Variants in MRTFB observed in about 807,000 individuals in gnomAD.
MRTFB encodes myocardin related transcription factor B, also known as myocardin-related transcription factor B.
Under a neutral mutation model 104.2 loss-of-function variants are expected in MRTFB, and 29 were observed. The ratio of observed to expected loss-of-function variants is 0.28; its 90% CI spans 0.21 to 0.38. The LOEUF is 0.38. MRTFB is among the 10% of genes least tolerant of loss of function. The pLI, the probability that MRTFB is intolerant of heterozygous loss-of-function variation, is 1.00. For missense variants in MRTFB, 1,270 were observed against 1,341.6 expected, an observed-to-expected ratio of 0.95 and a Z score of 0.83; for synonymous variants, 535 against 519.5, an observed-to-expected ratio of 1.03 and a Z score of -0.41.
the MRTFB span, among the ~76,000 whole-genome samples, chr16:13,997,383 T>C: frequency 6.6e-6 from 1 of 152,168 alleles, no homozygotes. Context: ...TTAGTTTATT[T>C]GAAAAAATAC....
chr16:14,202,103 TCTA>T (rs1331055368), intron 3 of MRTFB, among the ~76,000 whole-genome samples: 2 of 150,598 alleles, frequency 1.3e-5, no homozygotes, highest in Non-Finnish European at 1.5e-5. Context: ...TGTATAAAAT[TCTA>T]CTGTTTACAA....
chr16:14,114,252 A>C (rs1405565580), intron 2 of MRTFB, among the ~76,000 whole-genome samples: 3 of 152,258 alleles, frequency 2.0e-5, no homozygotes, highest in African/African-American at 7.2e-5. Flanking sequence ...CAAAGTTGGC[A>C]GCATATTGCT....
the MRTFB span, among the ~76,000 whole-genome samples, chr16:14,025,109 A>G: frequency 6.6e-6 from 1 of 152,350 alleles, no homozygotes; most frequent in Non-Finnish European, 1.5e-5. Context: ...CAAAACTTCA[A>G]AGGGTACTTG....
intron 3 of MRTFB, among the ~76,000 whole-genome samples, chr16:14,189,176 T>A (rs1273117011): frequency 6.6e-6 from 1 of 152,192 alleles, no homozygotes; most frequent in Non-Finnish European, 1.5e-5. Context: ...CTGGATTTAA[T>A]TAGAATGGAA....
At chr16:14,019,183 G>A in the MRTFB span, 2 of 152,254 alleles carry the variant, frequency 1.3e-5, no homozygotes, top group Non-Finnish European at 2.9e-5. Context: ...AGGGGTGATG[G>A]TGACTGGTGC....
intron 3 of MRTFB, among the ~76,000 whole-genome samples, chr16:14,202,032 T>A (rs1200999032): frequency 6.6e-6 from 1 of 152,094 alleles, no homozygotes; most frequent in East Asian, 1.9e-4. Context: ...TTAAGATTAT[T>A]TGTTTAATTG....
intron 2 of MRTFB, among the ~76,000 whole-genome samples, chr16:14,100,621 A>G (rs918835137): frequency 2.0e-5 from 3 of 152,212 alleles, no homozygotes; most frequent in African/African-American, 4.8e-5. Flanking sequence ...CTCCTGTTCA[A>G]TTTTATGAAA....
rs1369789757 is a variant in MRTFB, at chr16:14,200,391, A to G, written c.155-9852A>G. The G allele has an allele frequency of 3.7e-6, 6 of 1,607,694 alleles. No individual in the cohort carries two copies. The Admixed American group carries it at 5.0e-5, about 13-fold the overall frequency. On this transcript the variant is annotated intron_variant, in intron 3 of 16. Coordinates refer to ENST00000571589, the MANE Select transcript of MRTFB (RefSeq NM_001308142.2). Reference sequence around the variant, plus strand: ...CAGGATAGTAATGATGACACTAAAGATGTTTCACTGTTTGATGCGGAAGAG... The same window carrying G: ...CAGGATAGTAATGATGACACTAAAGGTGTTTCACTGTTTGATGCGGAAGAG...
chr16:14,247,275 T>C lies in MRTFB; in HGVS notation c.2015T>C (p.Leu672Pro), dbSNP rs1317764807. The change falls in exon 12 of 17, where the codon CTT becomes CCT. Residue 672 changes from leucine (L) to proline (P), a missense_variant. Leu to Pro is a moderately conservative substitution (Grantham distance 98). Transcript: ENST00000571589. ...CCCGTCTCTACAGGTGGCCAGACCC[T>C]TGTTGCCAAAAAGGCTGTAGTTATC... ...GQPVSTGGQT[L>P]VAKKAVVIKQ... The C allele has an allele frequency of 8.1e-6, 13 of 1,614,064 alleles. No individual in the cohort carries two copies. The highest frequency in any genetic ancestry group is 9.3e-6 in the Non-Finnish European group (11 of 1,180,044).
chr16:14,093,481 G>C (rs2035197744), intron 2 of MRTFB, among the ~76,000 whole-genome samples: 1 of 151,858 alleles, frequency 6.6e-6, no homozygotes, highest in Non-Finnish European at 1.5e-5. Flanking sequence ...TCTGAATGCA[G>C]GTCAGTATCT....
intron 2 of MRTFB, among the ~76,000 whole-genome samples, chr16:14,120,098 G>A (rs569477800): frequency 2.0e-4 from 31 of 152,144 alleles, no homozygotes; most frequent in Admixed American, 1.1e-3. Flanking sequence ...GGCTGTTTCC[G>A]TTTCCTCTTT....
At chr16:14,017,593 GTATATATATATATATATATATATATATA>G in the MRTFB span, among the ~76,000 whole-genome samples, 43 of 59,080 alleles carry the variant, frequency 7.3e-4, 1 homozygote, top group South Asian at 0.011. Flanking sequence ...ACTGACTACA[GTATATATATATATATATATATATATATA>G]TATATATATA....
intron 2 of MRTFB, among the ~76,000 whole-genome samples, chr16:14,097,330 T>G (rs1217468868): frequency 6.6e-6 from 1 of 152,184 alleles, no homozygotes; most frequent in East Asian, 1.9e-4. Context: ...ACATTCAGGT[T>G]TCATTTGAAG....
chr16:14,191,951 G>A lies in MRTFB; in HGVS notation c.155-18292G>A, dbSNP rs553497356. On this transcript the variant is annotated intron_variant, in intron 3 of 16. Coordinates refer to ENST00000571589, the MANE Select transcript of MRTFB (RefSeq NM_001308142.2). ...TTAAAATAAATGGTTAAAACATATA[G>A]AAGGTATTACAAAGCACATGAATTT... is the stretch of plus-strand genomic sequence containing the variant. 11 of 152,276 alleles carry A rather than the reference G, an allele frequency of 7.2e-5. No homozygotes were observed. In the South Asian group the frequency reaches 2.1e-3, roughly 29 times the overall value. 9.4% of individuals were successfully genotyped at this position (152,276 alleles called of 1,614,324 possible).
At chr16:14,001,450 T>C in the MRTFB span, among the ~76,000 whole-genome samples, 1 of 152,186 alleles carries the variant, frequency 6.6e-6, no homozygotes, top group Non-Finnish European at 1.5e-5. Flanking sequence ...TGCATCTCAC[T>C]ACCCATCTAG....
chr16:14,097,962 A>G (rs1014269091), intron 2 of MRTFB, among the ~76,000 whole-genome samples: 1 of 152,068 alleles, frequency 6.6e-6, no homozygotes, highest in East Asian at 1.9e-4. Context: ...CACAATTTGT[A>G]TATCTGTTCA....
the MRTFB span, among the ~76,000 whole-genome samples, chr16:14,060,479 C>T: frequency 1.3e-5 from 2 of 152,120 alleles, no homozygotes; most frequent in South Asian, 2.1e-4. Flanking sequence ...GGTTTCAGGT[C>T]TCTTACCCTG....
intron 3 of MRTFB, among the ~76,000 whole-genome samples, chr16:14,162,361 T>G (rs1241537233): frequency 7.9e-6 from 1 of 127,162 alleles, no homozygotes; most frequent in Non-Finnish European, 1.6e-5. Flanking sequence ...AGATGATGGG[T>G]TTTTTTTAAT....
At chr16:14,185,642 C>T (rs534361469) in intron 3 of MRTFB, among the ~76,000 whole-genome samples, 1 of 151,568 alleles carries the variant, frequency 6.6e-6, no homozygotes, top group African/African-American at 2.4e-5. Context: ...TTGAGAACAC[C>T]TAATATTCCA....
Sources: allele counts gnomAD v4.1 joint callset (sites outside exome capture counted in the v4.1 genomes callset), GRCh38; gene constraint gnomAD v4.1.1; transcripts MANE v1.5; gene names NCBI Gene and HGNC (gene_info 2026-07-23, HGNC 2026-07-21).